The following PDE4D variants were observed in gnomAD, a reference collection of about 807,000 sequenced individuals.
PDE4D encodes the protein 3',5'-cyclic-AMP phosphodiesterase 4D.
Under a neutral mutation model 87.4 loss-of-function variants are expected in PDE4D, and 24 were observed. The observed-to-expected ratio is 0.27, with a 90% CI of 0.20 to 0.39. The LOEUF (loss-of-function observed/expected upper bound fraction) is 0.39, where lower values mean the gene tolerates loss of function less well. PDE4D is among the 10% of genes least tolerant of loss of function. PDE4D has a pLI of 1.00. For missense variants in PDE4D, 714 were observed against 1,041.0 expected, an observed-to-expected ratio of 0.69 and a Z score of 4.32; for synonymous variants, 384 against 383.2, an observed-to-expected ratio of 1.00 and a Z score of -0.02.
chr5:59,885,894 C>A (rs1284145652), intron 1 of PDE4D, among the ~76,000 whole-genome samples: 4 of 152,152 alleles, frequency 2.6e-5, no homozygotes, highest in Non-Finnish European at 2.9e-5. Flanking sequence ...GATCACTAGA[C>A]CTTTTTGGCT....
chr5:60,418,478 T>TG (rs1742810008), intron 1 of PDE4D, among the ~76,000 whole-genome samples: 1 of 151,842 alleles, frequency 6.6e-6, no homozygotes, highest in South Asian at 2.1e-4. Flanking sequence ...TATAAATCGC[T>TG]GCTGCTTATC....
chr5:59,726,182 G>A (rs940026531), intron 1 of PDE4D, among the ~76,000 whole-genome samples: 1 of 151,984 alleles, frequency 6.6e-6, no homozygotes, highest in African/African-American at 2.4e-5. Flanking sequence ...TTTAACAAAT[G>A]AGTTTCAGGC....
intron 1 of PDE4D, among the ~76,000 whole-genome samples, chr5:59,440,636 C>G (rs1039804956): frequency 3.9e-5 from 6 of 152,122 alleles, no homozygotes; most frequent in Non-Finnish European, 7.3e-5. Context: ...ATTAGCTGTG[C>G]ATAGTGGTGT....
rs1768205470 is a variant in PDE4D at position 59,088,943 on chromosome 5, A to C, written c.809-49972T>G. On this transcript the variant is annotated intron_variant, in intron 5 of 14. Transcript: ENST00000340635. The stretch of plus-strand genomic sequence containing the variant: ...ATGTACCCCTGAACTTAAAAGTTAA[A>C]AAGAAATAAAAAATAAACAGAATAG... 2.0e-5 allele frequency among the ~76,000 whole-genome samples: 3 copies of C among 152,318 alleles called. No homozygotes were observed. In the South Asian group the frequency reaches 6.2e-4, roughly 32 times the overall value.
At chr5:59,301,168 C>T (rs1770172941) in intron 1 of PDE4D, among the ~76,000 whole-genome samples, 1 of 151,892 alleles carries the variant, frequency 6.6e-6, no homozygotes, top group African/African-American at 2.4e-5. Flanking sequence ...GCAGTACTCT[C>T]TCTGGGGAAG....
rs564789947 is a variant in PDE4D at position 60,303,109 on chromosome 5, G to A, written c.-89-117422C>T. On this transcript the variant is annotated intron_variant, in intron 1 of 16. Coordinates refer to the PDE4D transcript ENST00000502484. ...CTCCCCAAGTACTGGGATTACAGGC[G>A]TGAGCCACCGTGCCCAGCCTAAATT... 3.9e-5 allele frequency among the ~76,000 whole-genome samples: 6 copies of A among 152,226 alleles called. No homozygotes were observed. The South Asian group carries it at 6.2e-4, about 16-fold the overall frequency.
At chr5:60,078,090 C>T (rs914157088) in intron 2 of PDE4D, among the ~76,000 whole-genome samples, 3 of 152,168 alleles carry the variant, frequency 2.0e-5, no homozygotes, top group African/African-American at 7.2e-5. Context: ...TGCATCTAGT[C>T]GACCATCTTG....
chr5:59,333,671 C>A (rs16889615), intron 1 of PDE4D, among the ~76,000 whole-genome samples: 1 of 151,968 alleles, frequency 6.6e-6, no homozygotes, highest in Non-Finnish European at 1.5e-5. Flanking sequence ...TTTATGTAGC[C>A]TAAGGCAAGA....
At chr5:59,471,079 T>C (rs756237964) in intron 1 of PDE4D, among the ~76,000 whole-genome samples, 1 of 152,078 alleles carries the variant, frequency 6.6e-6, no homozygotes, top group Non-Finnish European at 1.5e-5. Flanking sequence ...CTGTCTCTAC[T>C]AAAAATTAAA....
chr5:59,503,248 T>C (rs1032401123), intron 1 of PDE4D, among the ~76,000 whole-genome samples: 3 of 152,192 alleles, frequency 2.0e-5, no homozygotes, highest in African/African-American at 7.2e-5. Flanking sequence ...TAACTACTTC[T>C]GTAGAAATAT....
chr5:59,084,291 C>A (rs1236653272), intron 5 of PDE4D, among the ~76,000 whole-genome samples: 1 of 151,126 alleles, frequency 6.6e-6, no homozygotes, highest in Non-Finnish European at 1.5e-5. Context: ...AACATCAGAG[C>A]CCTGAAATAA....
At position 59,483,655 on chromosome 5, in the gene PDE4D, G is replaced by A. The variant is rs138893174; in HGVS notation, c.456-267687C>T. Reference sequence around the variant, plus strand: ...CTCATTGCAACCAGGGACTGGAGGTGGTGGTGGAGGAGCAGGAGAGTAAGT... The same window carrying A: ...CTCATTGCAACCAGGGACTGGAGGTAGTGGTGGAGGAGCAGGAGAGTAAGT... On this transcript the variant is annotated intron_variant, in intron 1 of 14. Coordinates refer to ENST00000340635, the MANE Select transcript of PDE4D (RefSeq NM_001104631.2). Among the ~76,000 whole-genome samples, 354 of 152,222 alleles carry A rather than the reference G, an allele frequency of 2.3e-3. 3 individuals are homozygous for A. Among genetic ancestry groups the A allele is most frequent in the African/African-American group, 7.9e-3 (326 of 41,522 alleles).
chr5:59,698,554 A>G (rs938215973), intron 1 of PDE4D, among the ~76,000 whole-genome samples: 1 of 152,166 alleles, frequency 6.6e-6, no homozygotes, highest in Non-Finnish European at 1.5e-5. Context: ...GTTTAAAAAC[A>G]TTAGAACACT....
At chr5:59,985,899 A>G (rs889813434) in intron 3 of PDE4D, among the ~76,000 whole-genome samples, 1 of 152,228 alleles carries the variant, frequency 6.6e-6, no homozygotes, top group Admixed American at 6.5e-5. Context: ...TTGGTTGAAA[A>G]GAATCCTCAT....
chr5:59,634,953 G>T (rs891031212), intron 1 of PDE4D, among the ~76,000 whole-genome samples: 1 of 152,166 alleles, frequency 6.6e-6, no homozygotes, highest in Admixed American at 6.5e-5. Flanking sequence ...CCAGGAGCTG[G>T]TTTTTTGAAA....
chr5:59,793,580 A>G (rs1280959933), intron 1 of PDE4D, among the ~76,000 whole-genome samples: 3 of 152,240 alleles, frequency 2.0e-5, no homozygotes, highest in Admixed American at 2.0e-4. Flanking sequence ...TTGAACATGA[A>G]CATCTAGCCT....
intron 1 of PDE4D, among the ~76,000 whole-genome samples, chr5:59,311,436 G>A (rs185608793): frequency 1.7e-3 from 233 of 138,308 alleles, no homozygotes; most frequent in African/African-American, 4.6e-3. Context: ...AGGAAGTAGA[G>A]GTTGCAATGA....
At chr5:59,869,833 T>C (rs951888031) in intron 1 of PDE4D, among the ~76,000 whole-genome samples, 1 of 152,188 alleles carries the variant, frequency 6.6e-6, no homozygotes, top group Non-Finnish European at 1.5e-5. Context: ...TTACCTAAGA[T>C]ATCTAAGGAA....
At chr5:59,089,125 G>A (rs1768236967) in intron 5 of PDE4D, among the ~76,000 whole-genome samples, 2 of 152,236 alleles carry the variant, frequency 1.3e-5, no homozygotes, top group Non-Finnish European at 2.9e-5. Context: ...CTGCTGTATG[G>A]AAAACCTGAG....
Sources: gnomAD v4.1 joint callset for allele counts (sites outside exome capture counted in the v4.1 genomes callset) on GRCh38, gnomAD v4.1.1 for gene constraint, MANE v1.5 for transcripts, NCBI Gene and HGNC (gene_info 2026-07-23, HGNC 2026-07-21) for gene names.